The following ZNF804A variants were observed in gnomAD, a reference collection of about 807,000 sequenced individuals.
The protein encoded by ZNF804A is zinc finger protein 804A.
ZNF804A carries 2 observed loss-of-function variants against 16.5 expected under a neutral mutation model. The ratio of observed to expected loss-of-function variants is 0.12; its 90% CI spans 0.05 to 0.38. ZNF804A has a LOEUF of 0.38. Ranked by LOEUF, ZNF804A falls within the 10% of genes least tolerant of loss-of-function variation. The pLI is 0.99. For synonymous variants in ZNF804A, 534 were observed against 489.6 expected (o/e 1.09, Z -1.20); for missense variants, 1,473 against 1,390.7 (o/e 1.06, Z -0.94).
At chr2:184,610,712 T>C (rs1395019907) in intron 1 of ZNF804A, among the ~76,000 whole-genome samples, 1 of 152,168 alleles carries the variant, frequency 6.6e-6, no homozygotes, top group Non-Finnish European at 1.5e-5. Context: ...AGTCAATGTC[T>C]GGACAATGTG....
At chr2:184,683,465 T>C (rs779338493) in intron 1 of ZNF804A, among the ~76,000 whole-genome samples, 1 of 152,218 alleles carries the variant, frequency 6.6e-6, no homozygotes, top group East Asian at 1.9e-4. Flanking sequence ...CAAATGCAAG[T>C]GTTTTGACTT....
At chr2:184,676,993 A>C (rs1692447044) in intron 1 of ZNF804A, among the ~76,000 whole-genome samples, 1 of 151,884 alleles carries the variant, frequency 6.6e-6, no homozygotes, top group African/African-American at 2.4e-5. Flanking sequence ...GGATCAGGTA[A>C]ATCTATTATA....
intron 1 of ZNF804A, among the ~76,000 whole-genome samples, chr2:184,684,925 A>G (rs909506118): frequency 6.6e-6 from 1 of 152,108 alleles, no homozygotes; most frequent in Non-Finnish European, 1.5e-5. Context: ...TCCATGGTGT[A>G]TATAGGTCAT....
In ZNF804A at chr2:184,938,372, G is replaced by A. The variant is rs762067380; in HGVS notation, c.2976G>A (p.Leu992=). Residue 992 remains leucine, a synonymous_variant, in exon 4 of 4, where the codon CTG becomes CTA. Coordinates refer to ENST00000302277, the MANE Select transcript of ZNF804A (RefSeq NM_194250.2). ...GKMNETPTEW[L]RYNSGILNTQ... Reference sequence around the variant, plus strand: ...TGAATGAGACACCAACTGAGTGGCTGCGTTATAATTCAGGAATCCTTAACA... The same window carrying A: ...TGAATGAGACACCAACTGAGTGGCTACGTTATAATTCAGGAATCCTTAACA... The A allele has an allele frequency of 6.2e-7, 1 of 1,614,074 alleles. No homozygotes were observed. The highest frequency in any genetic ancestry group is 2.2e-5 in the East Asian group (1 of 44,848).
intron 1 of ZNF804A, among the ~76,000 whole-genome samples, chr2:184,647,755 CA>C (rs1466927509): frequency 2.0e-5 from 3 of 152,030 alleles, no homozygotes; most frequent in Non-Finnish European, 4.4e-5. Flanking sequence ...ACCAATCTTA[CA>C]AAACACTGGT....
At chr2:184,813,972 G>A (rs557948143) in intron 1 of ZNF804A, among the ~76,000 whole-genome samples, 2 of 143,632 alleles carry the variant, frequency 1.4e-5, no homozygotes, top group African/African-American at 5.2e-5. Flanking sequence ...ATATACTTTA[G>A]GGCATGTTTG....
At position 184,798,853 on chromosome 2, in the gene ZNF804A, T is replaced by C. The variant is rs1694677820; in HGVS notation, c.112-67516T>C. On this transcript the variant is annotated intron_variant, in intron 1 of 3. Coordinates refer to ENST00000302277, the MANE Select transcript of ZNF804A (RefSeq NM_194250.2). ...GTTGGTTTTTTGGTTCCTTCTCATT[T>C]GAGTAGGCTATGTCAGAGGGAAGGT... Among the ~76,000 whole-genome samples, 4 of 152,128 alleles carry C rather than the reference T, an allele frequency of 2.6e-5. No individual in the cohort carries two copies. The South Asian group carries it at 8.3e-4, about 31-fold the overall frequency.
chr2:184,604,512 G>A lies in ZNF804A; in HGVS notation c.111+5442G>A, dbSNP rs182371639. Among the ~76,000 whole-genome samples the A allele has an allele frequency of 7.2e-5, 11 of 152,170 alleles. No individual in the cohort carries two copies. In the East Asian group the frequency reaches 1.7e-3, roughly 24 times the overall value. ...AATACAGATCAGCGAGAATTTCAGG[G>A]ATGACCTAGTCTAGAGGTTAATGGA... is the stretch of plus-strand genomic sequence containing the variant. On this transcript the variant is annotated intron_variant, in intron 1 of 3. Coordinates refer to ENST00000302277, the MANE Select transcript of ZNF804A (RefSeq NM_194250.2).
At chr2:184,632,552 C>A (rs1051274881) in intron 1 of ZNF804A, among the ~76,000 whole-genome samples, 1 of 152,228 alleles carries the variant, frequency 6.6e-6, no homozygotes, top group South Asian at 2.1e-4. Context: ...CGTGCCACCA[C>A]GCCTGGCTAA....
chr2:184,766,965 T>A (rs1694138240), intron 1 of ZNF804A, among the ~76,000 whole-genome samples: 1 of 151,970 alleles, frequency 6.6e-6, no homozygotes, highest in Admixed American at 6.6e-5. Context: ...GGGGTCCTTA[T>A]AAGAACAGCA....
intron 1 of ZNF804A, among the ~76,000 whole-genome samples, chr2:184,663,615 A>T (rs887206437): frequency 3.9e-5 from 6 of 152,078 alleles, no homozygotes; most frequent in Non-Finnish European, 8.8e-5. Flanking sequence ...GCCGGAAGCA[A>T]TGGGGGCCAG....
intron 1 of ZNF804A, among the ~76,000 whole-genome samples, chr2:184,636,173 G>A (rs1691692303): frequency 6.6e-6 from 1 of 151,814 alleles, no homozygotes; most frequent in South Asian, 2.1e-4. Flanking sequence ...GCTGATAGTA[G>A]AAAAGACTGA....
chr2:184,694,546 A>G (rs1692789137), intron 1 of ZNF804A, among the ~76,000 whole-genome samples: 1 of 152,208 alleles, frequency 6.6e-6, no homozygotes, highest in African/African-American at 2.4e-5. Flanking sequence ...GTTTTGAAAC[A>G]TTTTAAATAA....
chr2:184,609,513 T>C (rs538203492), intron 1 of ZNF804A, among the ~76,000 whole-genome samples: 1 of 152,320 alleles, frequency 6.6e-6, no homozygotes, highest in African/African-American at 2.4e-5. Context: ...AACAAATTAA[T>C]ATAGACTGGG....
At chr2:184,711,002 A>C (rs887201103) in intron 1 of ZNF804A, among the ~76,000 whole-genome samples, 1 of 151,726 alleles carries the variant, frequency 6.6e-6, no homozygotes, top group African/African-American at 2.4e-5. Flanking sequence ...CATGATTTTA[A>C]TATTTTGGAT....
chr2:184,865,321 T>C (rs1695863477), intron 1 of ZNF804A, among the ~76,000 whole-genome samples: 1 of 151,954 alleles, frequency 6.6e-6, no homozygotes, highest in Admixed American at 6.6e-5. Flanking sequence ...TTTTCACTTA[T>C]TCAGTGAAAG....
chr2:184,926,271 T>C (rs1398962054), intron 2 of ZNF804A, among the ~76,000 whole-genome samples: 1 of 122,474 alleles, frequency 8.2e-6, no homozygotes, highest in Non-Finnish European at 1.8e-5. Flanking sequence ...GCAGGTTTAC[T>C]ATTCTAGGGT....
rs116200330 is a variant in ZNF804A at position 184,730,309 on chromosome 2, A to G, written c.111+131239A>G. On this transcript the variant is annotated intron_variant, in intron 1 of 3. Transcript: ENST00000302277. ...CACTCCTTGTCCCTGTGTATCCATA[A>G]TTTATTTCATTATCAACAACCCCTA... Among the ~76,000 whole-genome samples, 1,164 of 151,754 alleles carry G rather than the reference A, an allele frequency of 7.7e-3. 21 individuals carry two copies. Among genetic ancestry groups the G allele is most frequent in the African/African-American group, 0.027 (1,107 of 41,482 alleles).
intron 2 of ZNF804A, among the ~76,000 whole-genome samples, chr2:184,924,504 CCTT>C (rs896705156): frequency 5.3e-5 from 8 of 151,218 alleles, no homozygotes; most frequent in South Asian, 4.2e-4. Flanking sequence ...TTTAAAAAAA[CCTT>C]CTTTTTATTT....
Sources: gnomAD v4.1 joint callset for allele counts (sites outside exome capture counted in the v4.1 genomes callset) on GRCh38, gnomAD v4.1.1 for gene constraint, MANE v1.5 for transcripts, NCBI Gene and HGNC (gene_info 2026-07-23, HGNC 2026-07-21) for gene names.